ADAMTS6: variants seen among roughly 807,000 people sequenced by gnomAD.
ADAMTS6 encodes ADAM metallopeptidase with thrombospondin type 1 motif 6.
ADAMTS6 carries 23 observed loss-of-function variants against 144.3 expected under a neutral mutation model. That is an observed-to-expected ratio of 0.16 (90% confidence interval 0.11 to 0.23). ADAMTS6 has a LOEUF of 0.23. Ranked by LOEUF, ADAMTS6 falls within the 10% of genes least tolerant of loss-of-function variation. The pLI, the probability that ADAMTS6 is intolerant of heterozygous loss-of-function variation, is 1.00. For missense variants in ADAMTS6, 999 were observed against 1,379.6 expected, an observed-to-expected ratio of 0.72 and a Z score of 4.37; for synonymous variants, 444 against 457.5, an observed-to-expected ratio of 0.97 and a Z score of 0.38.
chr5:65,301,711 AT>A (rs36094875), intron 9 of ADAMTS6, among the ~76,000 whole-genome samples: 44,287 of 151,970 alleles, frequency 0.29, 6,676 homozygotes, highest in Admixed American at 0.37. Context: ...AACAGGTAGA[AT>A]TAGATTTGAG....
intron 7 of ADAMTS6, among the ~76,000 whole-genome samples, chr5:65,410,663 A>G (rs1334526570): frequency 6.6e-6 from 1 of 152,130 alleles, no homozygotes; most frequent in East Asian, 1.9e-4. Context: ...TTTGTGTCCT[A>G]TGATCAACAT....
At chr5:65,399,320 C>T (rs1158310130) in intron 7 of ADAMTS6, among the ~76,000 whole-genome samples, 1 of 152,180 alleles carries the variant, frequency 6.6e-6, no homozygotes, top group Non-Finnish European at 1.5e-5. Context: ...CTTATTCACT[C>T]TAACAATCTC....
rs113981249 is a variant in ADAMTS6 at position 65,357,340 on chromosome 5, C to T, written c.1074-23255G>A. The stretch of plus-strand genomic sequence containing the variant: ...AGATGTAATGTGAAAACACAACATA[C>T]CAAAACTTATGGGATGCACACTCTT... On this transcript the variant is annotated intron_variant, in intron 7 of 24. Coordinates refer to ENST00000381055, the MANE Select transcript of ADAMTS6 (RefSeq NM_197941.4). 4.1e-3 allele frequency among the ~76,000 whole-genome samples: 618 copies of T among 151,274 alleles called. 9 individuals carry two copies. Among genetic ancestry groups the T allele is most frequent in the African/African-American group, 0.013 (543 of 41,322 alleles).
At chr5:65,223,268 C>T (rs1388921590) in intron 18 of ADAMTS6, among the ~76,000 whole-genome samples, 1 of 152,122 alleles carries the variant, frequency 6.6e-6, no homozygotes, top group Non-Finnish European at 1.5e-5. Flanking sequence ...CATACATAAA[C>T]ATTGTGAAAT....
chr5:65,329,368 A>T lies in ADAMTS6; in HGVS notation c.1223+10T>A. 1 of 1,609,398 alleles carries T rather than the reference A, an allele frequency of 6.2e-7. No individual in the cohort carries two copies. The highest frequency in any genetic ancestry group is 1.1e-5 in the South Asian group (1 of 90,390). ...CTAAAATTTATTTTGATTTTCTTAA[A>T]CTCACTCACTTGTGACCAATCTCAT... On this transcript the variant is annotated intron_variant, in intron 9 of 24. Coordinates refer to ENST00000381055, the MANE Select transcript of ADAMTS6 (RefSeq NM_197941.4).
chr5:65,312,386 T>G (rs563436756), intron 9 of ADAMTS6, among the ~76,000 whole-genome samples: 2 of 152,042 alleles, frequency 1.3e-5, no homozygotes, highest in Non-Finnish European at 2.9e-5. Flanking sequence ...CTTGTTATAG[T>G]AAAGAAAAGA....
chr5:65,310,295 C>T (rs1264441533), intron 9 of ADAMTS6, among the ~76,000 whole-genome samples: 1 of 152,128 alleles, frequency 6.6e-6, no homozygotes, highest in Non-Finnish European at 1.5e-5. Context: ...ATTACCCAGT[C>T]TCAGGTATTT....
chr5:65,240,173 CTT>C, intron 15 of ADAMTS6, among the ~76,000 whole-genome samples: 1 of 146,568 alleles, frequency 6.8e-6, no homozygotes, highest in East Asian at 2.0e-4. Flanking sequence ...AAAGAATAAA[CTT>C]TTTTTTTTTT....
chr5:65,375,072 ACTGGATC>A (rs1751389824), intron 7 of ADAMTS6, among the ~76,000 whole-genome samples: 1 of 152,218 alleles, frequency 6.6e-6, no homozygotes, highest in African/African-American at 2.4e-5. Context: ...GAAAGCTGAA[ACTGGATC>A]CCTTCCTTAC....
chr5:65,423,055 A>G (rs892450324), intron 7 of ADAMTS6, among the ~76,000 whole-genome samples: 2 of 152,228 alleles, frequency 1.3e-5, no homozygotes, highest in African/African-American at 4.8e-5. Flanking sequence ...TTCTAAGTGA[A>G]GTAACTCAGG....
chr5:65,185,655 A>G (rs1754632851), intron 22 of ADAMTS6, among the ~76,000 whole-genome samples: 1 of 152,220 alleles, frequency 6.6e-6, no homozygotes, highest in Admixed American at 6.5e-5. Context: ...ATCTTCAGGC[A>G]GCCTCCAAAA....
At position 65,230,770 on chromosome 5, in the gene ADAMTS6, TATGTATGAAATATATATATAAC is replaced by T. The variant is rs1208231887; in HGVS notation, c.1934-4573_1934-4552del. 8.3e-3 allele frequency among the ~76,000 whole-genome samples: 880 copies of T among 106,384 alleles called. 82 individuals carry two copies. Among genetic ancestry groups the T allele is most frequent in the African/African-American group, 0.021 (569 of 27,258 alleles). The allele number at this position is 106,384 out of a possible 152,430, so 69.8% of individuals were successfully genotyped here. A position where few individuals can be genotyped will look rare whatever the true frequency, so the allele number is the denominator to read the frequency against. On this transcript the variant is annotated intron_variant, in intron 15 of 24. Coordinates refer to ENST00000381055, the MANE Select transcript of ADAMTS6 (RefSeq NM_197941.4). ...ATGTATGAAATATATATATAACACA[TATGTATGAAATATATATATAAC>T]ACATATGTATGAAATATATATATAA...
In ADAMTS6 at chr5:65,175,469, G is replaced by C. The variant is rs924956286; in HGVS notation, c.2911-2461C>G. ...TAAAACCTATAATTGATAATTAAAGGTATTCTCCGTAACCCTGTAACACTC... is the reference window on the plus strand; with the variant it reads ...TAAAACCTATAATTGATAATTAAAGCTATTCTCCGTAACCCTGTAACACTC... On this transcript the variant is annotated intron_variant, in intron 22 of 24. Transcript: ENST00000381055. Among the ~76,000 whole-genome samples the C allele has an allele frequency of 3.3e-5, 5 of 152,108 alleles. No individual in the cohort carries two copies. The East Asian group carries it at 7.7e-4, about 23-fold the overall frequency.
intron 24 of ADAMTS6, 87 bp from the exon 25 acceptor site, chr5:65,152,032 G>A: frequency 8.2e-7 from 1 of 1,219,624 alleles, no homozygotes; most frequent in Non-Finnish European, 1.2e-6. Context: ...TGTTCAGCAA[G>A]GACCCCCTTT....
At chr5:65,215,825 A>G in intron 18 of ADAMTS6, among the ~76,000 whole-genome samples, 1 of 152,176 alleles carries the variant, frequency 6.6e-6, no homozygotes, top group East Asian at 1.9e-4. Context: ...AAATACTGAA[A>G]TAGTAATTAA....
At chr5:65,376,727 A>G (rs761030480) in intron 7 of ADAMTS6, among the ~76,000 whole-genome samples, 1 of 152,072 alleles carries the variant, frequency 6.6e-6, no homozygotes, top group Non-Finnish European at 1.5e-5. Context: ...GCTACTTAGG[A>G]GGCTGATGTG....
intron 15 of ADAMTS6, among the ~76,000 whole-genome samples, chr5:65,241,117 G>T (rs745650538): frequency 1.3e-5 from 2 of 151,350 alleles, no homozygotes; most frequent in Non-Finnish European, 2.9e-5. Context: ...ATAGTAAAAC[G>T]TTAATGGTAG....
At chr5:65,245,098 T>C (rs60239161) in intron 14 of ADAMTS6, among the ~76,000 whole-genome samples, 12,082 of 152,188 alleles carry the variant, frequency 0.079, 532 homozygotes, top group East Asian at 0.1. Context: ...CTAGGCAACA[T>C]ATTCACACAA....
At chr5:65,347,109 T>C (rs1407416432) in intron 7 of ADAMTS6, among the ~76,000 whole-genome samples, 1 of 151,040 alleles carries the variant, frequency 6.6e-6, no homozygotes, top group African/African-American at 2.4e-5. Flanking sequence ...TGGCAGAGAG[T>C]GTCCGCACTT....
Sources: gnomAD v4.1 joint callset for allele counts (sites outside exome capture counted in the v4.1 genomes callset) on GRCh38, gnomAD v4.1.1 for gene constraint, MANE v1.5 for transcripts, NCBI Gene and HGNC (gene_info 2026-07-23, HGNC 2026-07-21) for gene names.